Variants in DLAT observed in about 807,000 individuals in gnomAD.
The protein encoded by DLAT is dihydrolipoamide S-acetyltransferase, also known as dihydrolipoyllysine-residue acetyltransferase component of pyruvate dehydrogenase complex, mitochondrial.
In DLAT, 43 loss-of-function variants were observed where a neutral mutation model predicts 68.0. That is an observed-to-expected ratio of 0.63 (90% CI 0.50 to 0.81). The LOEUF is 0.81. DLAT is among the 40% of genes least tolerant of loss of function. DLAT has a pLI of 0.00. For synonymous variants in DLAT, 265 were observed against 288.6 expected, an observed-to-expected ratio of 0.92 and a Z score of 0.83; for missense variants, 745 against 815.4, an observed-to-expected ratio of 0.91 and a Z score of 1.05.
intron 13 of DLAT, chr11:112,061,426 G>A (rs913419927): frequency 2.1e-5 from 9 of 437,684 alleles, no homozygotes; most frequent in Admixed American, 1.2e-4. Flanking sequence ...TGTAGTGCCC[G>A]GTGTGCAGCA....
intron 13 of DLAT, among the ~76,000 whole-genome samples, chr11:112,062,140 A>G (rs1374660955): frequency 6.6e-6 from 1 of 152,214 alleles, no homozygotes; most frequent in African/African-American, 2.4e-5. Flanking sequence ...GAAGGGAGGC[A>G]TAAACAAGAC....
intron 11 of DLAT, among the ~76,000 whole-genome samples, chr11:112,056,495 T>C (rs587641435): frequency 6.0e-4 from 91 of 152,358 alleles, no homozygotes; most frequent in Non-Finnish European, 1.2e-3. Flanking sequence ...TTGAGACTCA[T>C]CCATGTTGTA....
In DLAT at chr11:112,051,405, T is replaced by C. The variant is rs587736727; in HGVS notation, c.1514+56T>C. The stretch of plus-strand genomic sequence containing the variant: ...TCGGTAGTTTTCTTGTATTATTTAA[T>C]GTGTGAGTGGAGTTGAGGGGATAAG... On this transcript the variant is annotated intron_variant, in intron 11 of 13. Transcript: ENST00000280346. This position sits in a 1 kb window ranked among gnomAD's most constrained non-coding sequence, Gnocchi z 4.3. 12 of 1,291,352 alleles carry C rather than the reference T, an allele frequency of 9.3e-6. No individual in the cohort carries two copies. The South Asian group carries it at 1.2e-4, about 13-fold the overall frequency. 80.0% of individuals were successfully genotyped at this position (1,291,352 alleles called of 1,614,324 possible).
intron 11 of DLAT, among the ~76,000 whole-genome samples, chr11:112,059,598 G>A (rs1157723637): frequency 3.9e-5 from 6 of 152,104 alleles, no homozygotes; most frequent in African/African-American, 1.4e-4. Context: ...TCGCCATGTT[G>A]GCCAGGCTGG....
intron 4 of DLAT, among the ~76,000 whole-genome samples, chr11:112,031,740 ATTTTTTT>A (rs35661701): frequency 7.5e-6 from 1 of 133,500 alleles, no homozygotes; most frequent in Non-Finnish European, 1.6e-5. Context: ...TGCCCAGCTA[ATTTTTTT>A]TTTTTTTTTT....
At chr11:112,047,393 A>T (rs1863376828) in intron 10 of DLAT, among the ~76,000 whole-genome samples, 1 of 151,922 alleles carries the variant, frequency 6.6e-6, no homozygotes, top group South Asian at 2.1e-4. Context: ...GATTTCAAAA[A>T]TTTTCTCCCA....
intron 4 of DLAT, among the ~76,000 whole-genome samples, chr11:112,029,408 T>C (rs781936785): frequency 3.2e-4 from 48 of 152,220 alleles, no homozygotes; most frequent in Non-Finnish European, 2.4e-4. Context: ...GTTTCTCTTG[T>C]GGCCACAGGA....
intron 7 of DLAT, among the ~76,000 whole-genome samples, chr11:112,041,816 A>C (rs1426659091): frequency 1.3e-5 from 2 of 152,160 alleles, no homozygotes; most frequent in Non-Finnish European, 2.9e-5. Context: ...TGGGAGGCCA[A>C]ACTTGCAGTG....
In DLAT at chr11:112,039,173, G is replaced by A. The variant is rs587593887; in HGVS notation, c.976-71G>A. ...AATAGTTTTAATTTATTAATAAGAT[G>A]TAAACTTTTAATCTTTCAGACCAGT... is the stretch of plus-strand genomic sequence containing the variant. On this transcript the variant is annotated intron_variant, in intron 6 of 13. Coordinates refer to ENST00000280346, the MANE Select transcript of DLAT (RefSeq NM_001931.5). 4.5e-5 allele frequency: 65 copies of A among 1,441,062 alleles called. No individual in the cohort carries two copies. The African/African-American group carries it at 7.3e-4, about 16-fold the overall frequency. 89.3% of individuals were successfully genotyped at this position (1,441,062 alleles called of 1,614,324 possible). A position where few individuals can be genotyped will look rare whatever the true frequency, so the allele number is the denominator to read the frequency against.
At chr11:112,048,059 T>A (rs1210767549) in intron 10 of DLAT, among the ~76,000 whole-genome samples, 1 of 152,234 alleles carries the variant, frequency 6.6e-6, no homozygotes, top group Non-Finnish European at 1.5e-5. Context: ...CTTTGGGCAG[T>A]ATGTCCATTT....
intron 10 of DLAT, among the ~76,000 whole-genome samples, chr11:112,050,304 A>G (rs1488036047): frequency 6.6e-6 from 1 of 151,184 alleles, no homozygotes; most frequent in Non-Finnish European, 1.5e-5. Flanking sequence ...ATCTATATTC[A>G]TAAGATATTA....
intron 3 of DLAT, 64 bp downstream of exon 3, chr11:112,028,703 A>G: frequency 1.2e-6 from 2 of 1,614,036 alleles, no homozygotes; most frequent in Non-Finnish European, 1.7e-6. Context: ...CCCAGAATTG[A>G]GAATTAGGAG....
intron 7 of DLAT, among the ~76,000 whole-genome samples, chr11:112,040,520 T>C (rs1360878232): frequency 6.6e-6 from 1 of 152,178 alleles, no homozygotes; most frequent in Non-Finnish European, 1.5e-5. Flanking sequence ...AAGAAAAATA[T>C]GCTTATTTCC....
intron 10 of DLAT, among the ~76,000 whole-genome samples, chr11:112,050,067 T>C (rs1298445010): frequency 2.0e-5 from 3 of 152,236 alleles, no homozygotes; most frequent in African/African-American, 7.2e-5. Flanking sequence ...TAAGAGTGTT[T>C]TGATCATGAA....
At chr11:112,060,603 C>T (rs1456092349) in intron 12 of DLAT, among the ~76,000 whole-genome samples, 1 of 152,000 alleles carries the variant, frequency 6.6e-6, no homozygotes, top group Non-Finnish European at 1.5e-5. Context: ...TACAGGCATG[C>T]ACCACTGCAC....
rs964707486 is a variant in DLAT at position 112,038,643 on chromosome 11, A to G, written c.976-601A>G. Among the ~76,000 whole-genome samples, 252 of 150,688 alleles carry G rather than the reference A, an allele frequency of 1.7e-3. 1 individual carries two copies. The highest frequency in any genetic ancestry group is 1.4e-3 in the East Asian group (7 of 5,028). On this transcript the variant is annotated intron_variant, in intron 6 of 13. Transcript: ENST00000280346. ...GTGGATCGCTTGAGGTCAGGAGTTC[A>G]AGACCAGCCTGGCCAACATGGTGAA...
Position 112,062,386 on chromosome 11 carries a change from A to G in DLAT, c.1815-20A>G. The G allele has an allele frequency of 1.2e-6, 2 of 1,611,982 alleles. No individual in the cohort carries two copies. The highest frequency in any genetic ancestry group is 1.7e-6 in the Non-Finnish European group (2 of 1,179,812). On this transcript the variant is annotated intron_variant, in intron 13 of 13. Transcript: ENST00000280346. ...AGTATTTTCTTTCAGAATATCTAAA[A>G]TGTCTTTATCTTTTTCTAGGTTTGA...
intron 8 of DLAT, among the ~76,000 whole-genome samples, chr11:112,044,056 T>G (rs1384202933): frequency 2.0e-5 from 3 of 152,244 alleles, no homozygotes; most frequent in African/African-American, 7.2e-5. Context: ...TCAAAGATGA[T>G]ATACTACATT....
chr11:112,051,101 A>T lies in DLAT; in HGVS notation c.1399-133A>T. The T allele has an allele frequency of 1.6e-6, 1 of 629,998 alleles. No homozygotes were observed. Among genetic ancestry groups the T allele is most frequent in the Non-Finnish European group, 2.7e-6 (1 of 364,544 alleles). The allele number at this position is 629,998 out of a possible 1,614,324, so 39.0% of individuals were successfully genotyped here. A position where few individuals can be genotyped will look rare whatever the true frequency, so the allele number is the denominator to read the frequency against. On this transcript the variant is annotated intron_variant, in intron 10 of 13. Coordinates refer to ENST00000280346, the MANE Select transcript of DLAT (RefSeq NM_001931.5). The surrounding 1 kb of genome is among the most constrained non-coding windows in gnomAD (Gnocchi z 4.3). ...GGCCTAATACCTGGGTGATGGGTTG[A>T]CAGGTGCAGCAAACCACCATGGCAC...
Sources: gnomAD v4.1 joint callset for allele counts (sites outside exome capture counted in the v4.1 genomes callset) on GRCh38, gnomAD v4.1.1 for gene constraint, Gnocchi (gnomAD v3.1) non-coding constraint, MANE v1.5 for transcripts, NCBI Gene and HGNC (gene_info 2026-07-23, HGNC 2026-07-21) for gene names.